Variants in SPATA13 observed in about 807,000 individuals in gnomAD.
The protein encoded by SPATA13 is spermatogenesis associated 13.
SPATA13 carries 50 observed loss-of-function variants against 104.0 expected under a neutral mutation model. The ratio of observed to expected loss-of-function variants is 0.48; its 90% confidence interval spans 0.38 to 0.61. The LOEUF (loss-of-function observed/expected upper bound fraction) is 0.61, where lower values mean the gene tolerates loss of function less well. Ranked by LOEUF, SPATA13 falls within the 20% of genes least tolerant of loss-of-function variation. SPATA13 has a pLI of 0.00. For missense variants in SPATA13, 1,524 were observed against 1,690.6 expected (o/e 0.90, Z 1.73); for synonymous variants, 606 against 667.5 (o/e 0.91, Z 1.42).
At chr13:24,024,089 T>A (rs1339875552) in intron 3 of SPATA13, among the ~76,000 whole-genome samples, 1 of 152,104 alleles carries the variant, frequency 6.6e-6, no homozygotes, top group Non-Finnish European at 1.5e-5. Context: ...AGGCTCTGAG[T>A]CATGTGCTGC....
At chr13:23,990,913 T>A (rs1334128148) in intron 2 of SPATA13, among the ~76,000 whole-genome samples, 1 of 152,140 alleles carries the variant, frequency 6.6e-6, no homozygotes, top group African/African-American at 2.4e-5. Flanking sequence ...AGACCCTGAG[T>A]GTCTTCCCCA....
At chr13:24,073,433 A>G (rs929372209) in intron 3 of SPATA13, among the ~76,000 whole-genome samples, 6 of 152,210 alleles carry the variant, frequency 3.9e-5, no homozygotes, top group Non-Finnish European at 8.8e-5. Context: ...CCTATCTGTC[A>G]TATGTTAGAA....
rs370842895 is a variant in SPATA13, at chr13:24,195,559, C to G, written c.-111-27260C>G. Among the ~76,000 whole-genome samples the G allele has an allele frequency of 6.6e-5, 10 of 152,236 alleles. No individual in the cohort carries two copies. The South Asian group carries it at 1.7e-3, about 25-fold the overall frequency. On this transcript the variant is annotated intron_variant, in intron 1 of 12. Coordinates refer to ENST00000382108, the MANE Select transcript of SPATA13 (RefSeq NM_001166271.3). Reference sequence around the variant, plus strand: ...CAAAGTGGCTGCCCCATTTTACAGCCCACCAGCAATATAAGAGTGTTCTGA... The same window carrying G: ...CAAAGTGGCTGCCCCATTTTACAGCGCACCAGCAATATAAGAGTGTTCTGA...
chr13:24,030,720 G>C (rs938765619), intron 3 of SPATA13, among the ~76,000 whole-genome samples: 2 of 152,062 alleles, frequency 1.3e-5, no homozygotes, highest in African/African-American at 4.8e-5. Flanking sequence ...AACCATACAT[G>C]TTTAAGGGTT....
At chr13:24,277,310 G>A (rs1875069546) in intron 4 of SPATA13, among the ~76,000 whole-genome samples, 1 of 152,040 alleles carries the variant, frequency 6.6e-6, no homozygotes. Context: ...TGGGTGTGGT[G>A]GCGGGCGCCT....
At chr13:23,991,846 A>G (rs545001107) in intron 2 of SPATA13, among the ~76,000 whole-genome samples, 32 of 152,138 alleles carry the variant, frequency 2.1e-4, no homozygotes, top group Non-Finnish European at 3.8e-4. Flanking sequence ...ATTGTTTCTG[A>G]GAAGAAAAAT....
At chr13:24,285,191 C>T (rs934380544) in intron 5 of SPATA13, among the ~76,000 whole-genome samples, 1 of 152,152 alleles carries the variant, frequency 6.6e-6, no homozygotes, top group African/African-American at 2.4e-5. Context: ...GGAGGAGCCA[C>T]ATCTGTTCCT....
chr13:24,183,211 G>A (rs1255930452), intron 1 of SPATA13, among the ~76,000 whole-genome samples: 4 of 152,072 alleles, frequency 2.6e-5, no homozygotes, highest in Admixed American at 6.6e-5. Context: ...TTTGGCAGAG[G>A]GCTGAATTTT....
chr13:24,020,333 G>A (rs1876921401), intron 3 of SPATA13, among the ~76,000 whole-genome samples: 1 of 152,030 alleles, frequency 6.6e-6, no homozygotes, highest in Non-Finnish European at 1.5e-5. Context: ...TATGAAAAAG[G>A]CAAAAATATA....
intron 3 of SPATA13, among the ~76,000 whole-genome samples, chr13:24,048,757 C>T (rs535108580): frequency 5.3e-5 from 8 of 151,838 alleles, no homozygotes; most frequent in African/African-American, 1.9e-4. Flanking sequence ...ATAAAGTGTC[C>T]CTAAAGCAAA....
At chr13:24,294,614 TA>T (rs34017703) in intron 9 of SPATA13, 124 bp from the exon 10 acceptor site, 758,614 of 1,048,134 alleles carry the variant, frequency 0.72, 275,931 homozygotes, top group East Asian at 0.89. Flanking sequence ...AAACAGTGGC[TA>T]ATGACGTAAA....
At position 24,011,681 on chromosome 13, in the gene SPATA13, C is replaced by G. The variant is rs778211165; in HGVS notation, c.-146-5986C>G. On this transcript the variant is annotated intron_variant, in intron 2 of 14. Coordinates refer to the SPATA13 transcript ENST00000424834. The surrounding 1 kb of genome is among the most constrained non-coding windows in gnomAD (Gnocchi z 4.3). Reference sequence around the variant, plus strand: ...TTGGTGTGGCTGAAAACACCAGGCTCTAACTCTACTAGTTAAGCAGGAGCC... The same window carrying G: ...TTGGTGTGGCTGAAAACACCAGGCTGTAACTCTACTAGTTAAGCAGGAGCC... Among the ~76,000 whole-genome samples, 2 of 152,246 alleles carry G rather than the reference C, an allele frequency of 1.3e-5. No homozygotes were observed. Among genetic ancestry groups the G allele is most frequent in the Non-Finnish European group, 2.9e-5 (2 of 68,044 alleles).
At chr13:24,260,411 C>T (rs1158918564) in intron 4 of SPATA13, among the ~76,000 whole-genome samples, 1 of 152,216 alleles carries the variant, frequency 6.6e-6, no homozygotes, top group African/African-American at 2.4e-5. Context: ...CCTGCGCTTG[C>T]CTTCCTGGCT....
intron 3 of SPATA13, among the ~76,000 whole-genome samples, chr13:24,055,807 A>G (rs539940177): frequency 1.4e-4 from 22 of 152,356 alleles, no homozygotes; most frequent in Admixed American, 2.0e-4. Flanking sequence ...CCTAATTCTA[A>G]GCCAAGTGGG....
At chr13:23,984,590 T>G (rs1200899165) in intron 2 of SPATA13, among the ~76,000 whole-genome samples, 1 of 152,192 alleles carries the variant, frequency 6.6e-6, no homozygotes, top group African/African-American at 2.4e-5. Context: ...CCTTTACTTT[T>G]AAGTGTGAGG....
At chr13:24,288,125 C>T (rs1265778152) in intron 7 of SPATA13, among the ~76,000 whole-genome samples, 1 of 152,186 alleles carries the variant, frequency 6.6e-6, no homozygotes, top group Admixed American at 6.5e-5. Context: ...TGAGCATTGA[C>T]TGTTTGTCAC....
In SPATA13 at chr13:24,106,542, G is replaced by A. The variant is rs183238838; in HGVS notation, c.-112+88841G>A. 1.8e-3 allele frequency among the ~76,000 whole-genome samples: 278 copies of A among 152,290 alleles called. 1 individual carries two copies. Among genetic ancestry groups the A allele is most frequent in the African/African-American group, 6.2e-3 (257 of 41,540 alleles). Reference sequence around the variant, plus strand: ...TGTGCAGCAGTGGCCAAGCCTGTAGGTGCATTGCTCAGCAGTGGGTCACCA... The same window carrying A: ...TGTGCAGCAGTGGCCAAGCCTGTAGATGCATTGCTCAGCAGTGGGTCACCA... On this transcript the variant is annotated intron_variant, in intron 3 of 14. Coordinates refer to the SPATA13 transcript ENST00000424834.
intron 1 of SPATA13, among the ~76,000 whole-genome samples, chr13:24,210,335 A>G (rs544639845): frequency 6.6e-5 from 10 of 152,280 alleles, no homozygotes; most frequent in African/African-American, 2.4e-4. Context: ...TATATCCAAG[A>G]ACTTATTGCC....
At chr13:24,199,416 G>A (rs1470045215) in intron 1 of SPATA13, among the ~76,000 whole-genome samples, 1 of 152,222 alleles carries the variant, frequency 6.6e-6, no homozygotes, top group Non-Finnish European at 1.5e-5. Flanking sequence ...CAGAAAGTGT[G>A]CATCTGAATA....
Sources: allele counts gnomAD v4.1 joint callset (sites outside exome capture counted in the v4.1 genomes callset), GRCh38; gene constraint gnomAD v4.1.1; non-coding constraint Gnocchi (gnomAD v3.1); transcripts MANE v1.5; gene names NCBI Gene and HGNC (gene_info 2026-07-23, HGNC 2026-07-21).